Variants in SEMA6D observed in about 807,000 individuals in gnomAD.
SEMA6D encodes semaphorin-6D.
Under a neutral mutation model 106.6 loss-of-function variants are expected in SEMA6D, and 35 were observed. The ratio of observed to expected loss-of-function variants is 0.33; its 90% CI spans 0.25 to 0.44. The LOEUF is 0.44. Among genes scored for constraint, SEMA6D ranks in the 20% least tolerant of loss-of-function variants. SEMA6D has a pLI of 1.00. For synonymous variants in SEMA6D, 499 were observed against 487.7 expected (o/e 1.02, Z -0.31); for missense variants, 1,185 against 1,345.9 (o/e 0.88, Z 1.87).
intron 4 of SEMA6D, among the ~76,000 whole-genome samples, chr15:47,652,252 G>GA (rs1214515873): frequency 6.6e-6 from 1 of 152,082 alleles, no homozygotes; most frequent in African/African-American, 2.4e-5. Context: ...ACAAAGAGGA[G>GA]AAAAAACCCA....
intron 1 of SEMA6D, among the ~76,000 whole-genome samples, chr15:47,345,928 G>C (rs1341332843): frequency 6.6e-6 from 1 of 152,072 alleles, no homozygotes; most frequent in Admixed American, 6.5e-5. Flanking sequence ...ATACACATAT[G>C]CCTAAATTTA....
chr15:47,441,764 G>A (rs1440859964), intron 2 of SEMA6D, among the ~76,000 whole-genome samples: 2 of 151,990 alleles, frequency 1.3e-5, no homozygotes, highest in Non-Finnish European at 2.9e-5. Flanking sequence ...TTAATATGAA[G>A]CCATTCATCC....
chr15:47,566,383 A>G (rs2046229664), intron 3 of SEMA6D, among the ~76,000 whole-genome samples: 1 of 152,230 alleles, frequency 6.6e-6, no homozygotes, highest in South Asian at 2.1e-4. Flanking sequence ...AGGAAGAGAC[A>G]ATGACAAAGT....
At position 47,215,181 on chromosome 15, in the gene SEMA6D, C is replaced by T. The variant is rs555238909; in HGVS notation, c.-239+30763C>T. Among the ~76,000 whole-genome samples the T allele has an allele frequency of 6.9e-5, 6 of 87,232 alleles. No individual in the cohort carries two copies. The South Asian group carries it at 9.1e-4, about 13-fold the overall frequency. 57.2% of individuals were successfully genotyped at this position (87,232 alleles called of 152,430 possible). A position where few individuals can be genotyped will look rare whatever the true frequency, so the allele number is the denominator to read the frequency against. Reference sequence around the variant, plus strand: ...AACATCTGCTGTTTATACTTTATATCGTGCAATCTACCTGAATCTAAACAG... The same window carrying T: ...AACATCTGCTGTTTATACTTTATATTGTGCAATCTACCTGAATCTAAACAG... On this transcript the variant is annotated intron_variant, in intron 1 of 19. Coordinates refer to the SEMA6D transcript ENST00000558014.
intron 2 of SEMA6D, among the ~76,000 whole-genome samples, chr15:47,442,896 C>T (rs1336997606): frequency 6.6e-6 from 1 of 152,048 alleles, no homozygotes; most frequent in Admixed American, 6.6e-5. Context: ...CTATGAATTT[C>T]AAATCAACTA....
chr15:47,554,408 A>G (rs1369691527), intron 3 of SEMA6D, among the ~76,000 whole-genome samples: 1 of 152,240 alleles, frequency 6.6e-6, no homozygotes, highest in African/African-American at 2.4e-5. Flanking sequence ...GTACAGTGCT[A>G]CAGACCCAAC....
chr15:47,354,016 T>G (rs2038436666), intron 1 of SEMA6D, among the ~76,000 whole-genome samples: 1 of 151,936 alleles, frequency 6.6e-6, no homozygotes, highest in Non-Finnish European at 1.5e-5. Context: ...TTCTGTGGAA[T>G]TCTTAAGTCA....
At position 47,684,987 on chromosome 15, in the gene SEMA6D, A is replaced by G. The variant is rs929925194; in HGVS notation, c.-54-74758A>G. 2.0e-5 allele frequency among the ~76,000 whole-genome samples: 3 copies of G among 152,236 alleles called. 1 individual carries two copies. Among genetic ancestry groups the G allele is most frequent in the Non-Finnish European group, 4.4e-5 (3 of 68,044 alleles). Reference sequence around the variant, plus strand: ...AATGATAAAGTGAAGTAATAATTATATCACAAAAGAGGAAGGAAGAGAAGG... The same window carrying G: ...AATGATAAAGTGAAGTAATAATTATGTCACAAAAGAGGAAGGAAGAGAAGG... On this transcript the variant is annotated intron_variant, in intron 4 of 19. Transcript: ENST00000558014.
intron 1 of SEMA6D, among the ~76,000 whole-genome samples, chr15:47,258,537 G>A (rs1474513014): frequency 6.6e-6 from 1 of 152,164 alleles, no homozygotes; most frequent in Non-Finnish European, 1.5e-5. Flanking sequence ...AGCTGGGACA[G>A]CCATCTTTTC....
chr15:47,608,792 T>G (rs1254626746), intron 4 of SEMA6D, among the ~76,000 whole-genome samples: 1 of 152,222 alleles, frequency 6.6e-6, no homozygotes, highest in Non-Finnish European at 1.5e-5. Context: ...GCACCTTGTT[T>G]CTGGTACAAT....
intron 3 of SEMA6D, among the ~76,000 whole-genome samples, chr15:47,534,248 T>C (rs759167702): frequency 5.9e-5 from 9 of 152,146 alleles, no homozygotes; most frequent in Non-Finnish European, 1.0e-4. Context: ...TGGAGTACAG[T>C]GGCTCGATCT....
chr15:47,696,770 A>G (rs1349392532), intron 4 of SEMA6D, among the ~76,000 whole-genome samples: 2 of 152,210 alleles, frequency 1.3e-5, no homozygotes, highest in African/African-American at 2.4e-5. Flanking sequence ...GGAATTCTGC[A>G]TTAGGGACTG....
At chr15:47,668,273 G>C (rs2078067269) in intron 4 of SEMA6D, among the ~76,000 whole-genome samples, 1 of 152,082 alleles carries the variant, frequency 6.6e-6, no homozygotes, top group Non-Finnish European at 1.5e-5. Flanking sequence ...CAAATAACTT[G>C]GGTCAGCTTG....
At chr15:47,278,384 T>C (rs1015281457) in intron 1 of SEMA6D, among the ~76,000 whole-genome samples, 12 of 152,248 alleles carry the variant, frequency 7.9e-5, no homozygotes, top group African/African-American at 2.7e-4. Flanking sequence ...CATCTTTTCA[T>C]GTGTTTTTTG....
At chr15:47,342,007 T>G (rs757376864) in intron 1 of SEMA6D, among the ~76,000 whole-genome samples, 14 of 38,350 alleles carry the variant, frequency 3.7e-4, no homozygotes, top group African/African-American at 1.6e-3. Context: ...TTACCCTGTG[T>G]TTTTTTTTTT....
chr15:47,409,052 G>A (rs756984390), intron 1 of SEMA6D, among the ~76,000 whole-genome samples: 3 of 152,186 alleles, frequency 2.0e-5, no homozygotes, highest in Non-Finnish European at 4.4e-5. Flanking sequence ...CTGAGTGTGG[G>A]GTAAAATCCA....
At chr15:47,585,900 G>A (rs190156639) in intron 3 of SEMA6D, among the ~76,000 whole-genome samples, 10 of 152,266 alleles carry the variant, frequency 6.6e-5, no homozygotes, top group Admixed American at 2.6e-4. Context: ...TAACCACCAG[G>A]CACAGACACA....
chr15:47,746,077 A>C (rs1009280449), intron 1 of SEMA6D, among the ~76,000 whole-genome samples: 11 of 152,248 alleles, frequency 7.2e-5, no homozygotes, highest in South Asian at 4.1e-4. Context: ...TTTCAAATAC[A>C]GAAGGCAAAT....
intron 1 of SEMA6D, among the ~76,000 whole-genome samples, chr15:47,737,275 G>A (rs959141163): frequency 2.0e-5 from 3 of 152,052 alleles, no homozygotes; most frequent in African/African-American, 7.2e-5. Flanking sequence ...ATATCCCATA[G>A]GACCCCAGTA....
Sources: allele counts gnomAD v4.1 joint callset (sites outside exome capture counted in the v4.1 genomes callset), GRCh38; gene constraint gnomAD v4.1.1; transcripts MANE v1.5; gene names NCBI Gene and HGNC (gene_info 2026-07-23, HGNC 2026-07-21).